CDH13: variants seen among roughly 807,000 people sequenced by gnomAD.
The protein encoded by CDH13 is cadherin-13.
Under a neutral mutation model 63.8 loss-of-function variants are expected in CDH13, and 24 were observed. That is an observed-to-expected ratio of 0.38 (90% CI 0.27 to 0.53). The LOEUF is 0.53. Ranked by LOEUF, CDH13 falls within the 20% of genes least tolerant of loss-of-function variation. The pLI is 0.85. For missense variants in CDH13, 1,049 were observed against 903.1 expected (o/e 1.16, Z -2.07); for synonymous variants, 503 against 355.3 (o/e 1.42, Z -4.67).
intron 3 of CDH13, among the ~76,000 whole-genome samples, chr16:83,034,537 A>G (rs533314956): frequency 1.3e-5 from 2 of 152,230 alleles, no homozygotes; most frequent in Non-Finnish European, 2.9e-5. Context: ...ATTATGTGGC[A>G]AATATCTAAA....
At chr16:82,792,939 A>T (rs1334720813) in intron 1 of CDH13, among the ~76,000 whole-genome samples, 3 of 152,220 alleles carry the variant, frequency 2.0e-5, no homozygotes, top group Admixed American at 6.5e-5. Context: ...GGACGACAGC[A>T]TTGGACTGTT....
intron 1 of CDH13, chr16:82,688,863 C>G (rs548114205): frequency 1.3e-5 from 2 of 152,234 alleles, no homozygotes; most frequent in East Asian, 1.9e-4. Flanking sequence ...ACAGGGTAAC[C>G]ATGTGACCAA....
rs145820152 is a variant in CDH13, at chr16:82,968,884, C to T, written c.158-63126C>T. 2.6e-4 allele frequency among the ~76,000 whole-genome samples: 39 copies of T among 152,258 alleles called. No homozygotes were observed. The East Asian group carries it at 6.4e-3, about 25-fold the overall frequency. On this transcript the variant is annotated intron_variant, in intron 2 of 13. Transcript: ENST00000567109. ...CCTGTAATCCCAGCAGTTTGGGAGGCTGAGTGGGGATGATTGCTTGAGCTC... is the reference window on the plus strand; with the variant it reads ...CCTGTAATCCCAGCAGTTTGGGAGGTTGAGTGGGGATGATTGCTTGAGCTC...
intron 10 of CDH13, among the ~76,000 whole-genome samples, chr16:83,685,368 T>C (rs1276849974): frequency 6.6e-6 from 1 of 152,152 alleles, no homozygotes; most frequent in African/African-American, 2.4e-5. Context: ...ACAGGGTACA[T>C]TTTAAAAGGG....
At chr16:83,239,429 G>A (rs1439533795) in intron 5 of CDH13, among the ~76,000 whole-genome samples, 1 of 152,088 alleles carries the variant, frequency 6.6e-6, no homozygotes, top group African/African-American at 2.4e-5. Context: ...ATTTGTTGTG[G>A]TGATATTCAC....
chr16:83,252,113 C>CACACACACACAG (rs111338434), intron 5 of CDH13, among the ~76,000 whole-genome samples: 3 of 93,268 alleles, frequency 3.2e-5, no homozygotes, highest in Non-Finnish European at 6.3e-5. Flanking sequence ...ATTATACACA[C>CACACACACACAG]ACACACACAC....
intron 2 of CDH13, among the ~76,000 whole-genome samples, chr16:82,964,647 G>A (rs1321271898): frequency 6.6e-6 from 1 of 152,204 alleles, no homozygotes; most frequent in Non-Finnish European, 1.5e-5. Context: ...TTCATAAAGG[G>A]ACTGAGAAAA....
chr16:82,674,694 C>G (rs1216262104), intron 1 of CDH13, among the ~76,000 whole-genome samples: 2 of 152,134 alleles, frequency 1.3e-5, no homozygotes, highest in Non-Finnish European at 2.9e-5. Context: ...ATCTCCTGTG[C>G]TAACATTTTT....
chr16:82,845,507 C>A (rs567934050), intron 1 of CDH13, among the ~76,000 whole-genome samples: 71 of 152,292 alleles, frequency 4.7e-4, no homozygotes, highest in Admixed American at 9.1e-4. Flanking sequence ...CCACCAGCAT[C>A]ATCCTCTATT....
At chr16:82,703,180 A>G (rs1218528401) in intron 1 of CDH13, among the ~76,000 whole-genome samples, 1 of 151,490 alleles carries the variant, frequency 6.6e-6, no homozygotes, top group Non-Finnish European at 1.5e-5. Context: ...GCACACATAA[A>G]CATACTACAC....
chr16:83,602,068 G>A, intron 7 of CDH13, among the ~76,000 whole-genome samples: 1 of 109,814 alleles, frequency 9.1e-6, no homozygotes, highest in African/African-American at 3.5e-5. Context: ...ACTCTAGAGA[G>A]TGAGACTCTG....
chr16:83,582,383 GT>G (rs991870664), intron 7 of CDH13, among the ~76,000 whole-genome samples: 4 of 151,972 alleles, frequency 2.6e-5, no homozygotes, highest in Non-Finnish European at 4.4e-5. Context: ...CTTTGGAGAG[GT>G]TTTTTTTGTT....
rs568308124 is a variant in CDH13 at position 83,153,001 on chromosome 16, C to T, written c.483+27500C>T. 3.9e-5 allele frequency among the ~76,000 whole-genome samples: 6 copies of T among 152,298 alleles called. No individual in the cohort carries two copies. In the East Asian group the frequency reaches 5.8e-4, roughly 15 times the overall value. On this transcript the variant is annotated intron_variant, in intron 4 of 13. Coordinates refer to ENST00000567109, the MANE Select transcript of CDH13 (RefSeq NM_001257.5). ...AGAACAGACAGTAACCACCAAAAGC[C>T]GTAACCGCTTAGTGGGTTCACCTTA... is the stretch of plus-strand genomic sequence containing the variant.
At chr16:82,778,810 GACC>G (rs994644581) in intron 1 of CDH13, among the ~76,000 whole-genome samples, 21 of 152,198 alleles carry the variant, frequency 1.4e-4, no homozygotes, top group African/African-American at 5.1e-4. Flanking sequence ...ACATGGCAAA[GACC>G]ACCACCTCCT....
intron 3 of CDH13, among the ~76,000 whole-genome samples, chr16:83,119,990 A>G (rs563113788): frequency 2.0e-5 from 3 of 152,282 alleles, no homozygotes; most frequent in Non-Finnish European, 2.9e-5. Flanking sequence ...AGTTTCTCCT[A>G]ATGTCAGACA....
chr16:83,677,539 C>T (rs1030410850), intron 9 of CDH13, among the ~76,000 whole-genome samples: 17 of 152,206 alleles, frequency 1.1e-4, no homozygotes, highest in African/African-American at 3.9e-4. Context: ...CGGCTTAACT[C>T]CATGTGGCTC....
At chr16:82,844,162 G>C (rs1490677614) in intron 1 of CDH13, among the ~76,000 whole-genome samples, 2 of 152,152 alleles carry the variant, frequency 1.3e-5, no homozygotes, top group African/African-American at 4.8e-5. Context: ...GGAGGAGCCA[G>C]AGTTAGAAAC....
At chr16:83,031,806 C>G (rs555982520) in intron 2 of CDH13, among the ~76,000 whole-genome samples, 2 of 152,164 alleles carry the variant, frequency 1.3e-5, no homozygotes, top group Admixed American at 1.3e-4. Context: ...CATGCGAGTT[C>G]GTCAAGGACA....
At chr16:83,053,950 G>C (rs926807099) in intron 3 of CDH13, among the ~76,000 whole-genome samples, 2 of 152,174 alleles carry the variant, frequency 1.3e-5, no homozygotes, top group Non-Finnish European at 2.9e-5. Context: ...CCACATATGT[G>C]ATGGTGATCT....
Sources: allele counts gnomAD v4.1 joint callset (sites outside exome capture counted in the v4.1 genomes callset), GRCh38; gene constraint gnomAD v4.1.1; transcripts MANE v1.5; gene names NCBI Gene and HGNC (gene_info 2026-07-23, HGNC 2026-07-21).